TRHDE: variants seen among roughly 807,000 people sequenced by gnomAD.
TRHDE encodes thyrotropin-releasing hormone-degrading ectoenzyme.
TRHDE carries 72 observed loss-of-function variants against 125.7 expected under a neutral mutation model. That is an observed-to-expected ratio of 0.57 (90% CI 0.47 to 0.70). TRHDE has a LOEUF of 0.70. TRHDE is among the 30% of genes least tolerant of loss of function. The pLI, the probability that TRHDE is intolerant of heterozygous loss-of-function variation, is 0.00. For missense variants in TRHDE, 1,110 were observed against 1,327.1 expected, an observed-to-expected ratio of 0.84 and a Z score of 2.54; for synonymous variants, 509 against 509.1, an observed-to-expected ratio of 1.00 and a Z score of 0.00.
At chr12:72,573,606 C>T (rs1053186589) in intron 10 of TRHDE, among the ~76,000 whole-genome samples, 4 of 151,898 alleles carry the variant, frequency 2.6e-5, no homozygotes, top group South Asian at 2.1e-4. Flanking sequence ...TAAACACTTA[C>T]GTATAGGAAA....
At chr12:72,658,670 CTTTA>C (rs1338463932) in intron 18 of TRHDE, among the ~76,000 whole-genome samples, 1 of 152,126 alleles carries the variant, frequency 6.6e-6, no homozygotes, top group African/African-American at 2.4e-5. Flanking sequence ...AATTTTTACA[CTTTA>C]TTTAATTGCC....
At chr12:72,146,815 C>A (rs2139318031) in intron 2 of TRHDE, among the ~76,000 whole-genome samples, 1 of 152,360 alleles carries the variant, frequency 6.6e-6, no homozygotes, top group East Asian at 1.9e-4. Flanking sequence ...GTTTCCTGAG[C>A]TGTTGCCCAG....
intron 5 of TRHDE, among the ~76,000 whole-genome samples, chr12:72,483,229 A>G (rs1024515223): frequency 4.0e-5 from 6 of 151,784 alleles, no homozygotes; most frequent in South Asian, 2.1e-4. Context: ...TATTTTACCA[A>G]TTTAGTTAGA....
chr12:72,394,087 A>C (rs1872703906), intron 3 of TRHDE, among the ~76,000 whole-genome samples: 2 of 152,180 alleles, frequency 1.3e-5, no homozygotes, highest in Admixed American at 1.3e-4. Context: ...TTGGACAATT[A>C]ATTCCATTGA....
intron 2 of TRHDE, among the ~76,000 whole-genome samples, chr12:72,166,330 CATATACACAT>C (rs572212597): frequency 1.4e-3 from 215 of 151,430 alleles, no homozygotes; most frequent in Non-Finnish European, 2.1e-3. Flanking sequence ...CACACACACA[CATATACACAT>C]ATATACACAT....
chr12:72,626,652 T>A (rs1821310), intron 15 of TRHDE, among the ~76,000 whole-genome samples: 29,287 of 151,932 alleles, frequency 0.19, 5,930 homozygotes, highest in African/African-American at 0.52. Context: ...TTGCTCTTAA[T>A]CAGTTGCTAT....
At chr12:72,319,584 TATC>T (rs1868979762) in intron 2 of TRHDE, among the ~76,000 whole-genome samples, 1 of 152,212 alleles carries the variant, frequency 6.6e-6, no homozygotes, top group African/African-American at 2.4e-5. Context: ...TATCTTTCTC[TATC>T]ATCTATCATC....
intron 3 of TRHDE, among the ~76,000 whole-genome samples, chr12:72,399,136 T>A (rs1310298246): frequency 6.6e-6 from 1 of 152,244 alleles, no homozygotes; most frequent in African/African-American, 2.4e-5. Context: ...CCTGATGATC[T>A]GAGATGAAAT....
At chr12:72,192,865 G>A (rs1281582739) in intron 2 of TRHDE, among the ~76,000 whole-genome samples, 1 of 151,934 alleles carries the variant, frequency 6.6e-6, no homozygotes, top group Non-Finnish European at 1.5e-5. Context: ...AATTTTTATT[G>A]GAGTAAGAAG....
intron 3 of TRHDE, among the ~76,000 whole-genome samples, chr12:72,398,625 T>A (rs1872907540): frequency 6.6e-6 from 1 of 152,214 alleles, no homozygotes; most frequent in Admixed American, 6.5e-5. Flanking sequence ...TGTTTCAAAT[T>A]ACTTCTGACT....
chr12:72,347,000 G>A (rs1017927616), intron 2 of TRHDE, among the ~76,000 whole-genome samples: 1 of 152,110 alleles, frequency 6.6e-6, no homozygotes, highest in Non-Finnish European at 1.5e-5. Context: ...TTCTCTGTGT[G>A]TATGTGTGTG....
In TRHDE at chr12:72,244,541, T is replaced by G. The variant is rs1592497820; in HGVS notation, n.280-133454T>G. ...AAAATTTTACTTTTTTGTTTGCTAA[T>G]TATACTAATTTTAAATATATTTATG... is the stretch of plus-strand genomic sequence containing the variant. On this transcript the variant is annotated intron_variant and non_coding_transcript_variant, in intron 2 of 4. Transcript: ENST00000548156. 2.8e-5 allele frequency among the ~76,000 whole-genome samples: 4 copies of G among 142,640 alleles called. 1 individual carries two copies. The highest frequency in any genetic ancestry group is 2.8e-4 in the Admixed American group (4 of 14,302). 93.6% of individuals were successfully genotyped at this position (142,640 alleles called of 152,430 possible).
chr12:72,297,666 A>C (rs1565688429), intron 2 of TRHDE, among the ~76,000 whole-genome samples: 1 of 152,210 alleles, frequency 6.6e-6, no homozygotes, highest in Non-Finnish European at 1.5e-5. Context: ...AGTTGTTTTC[A>C]TGGAAGTGGA....
chr12:72,479,477 G>T (rs910592237), intron 5 of TRHDE, among the ~76,000 whole-genome samples: 1 of 151,942 alleles, frequency 6.6e-6, no homozygotes, highest in Admixed American at 6.6e-5. Context: ...TAATTCATTA[G>T]TATTCGTGTA....
chr12:72,214,022 A>G (rs947784299), intron 2 of TRHDE, among the ~76,000 whole-genome samples: 1 of 152,182 alleles, frequency 6.6e-6, no homozygotes, highest in Non-Finnish European at 1.5e-5. Context: ...TTAGATATTT[A>G]TATTTTTAGG....
chr12:72,635,583 T>A (rs1873706226), intron 15 of TRHDE, among the ~76,000 whole-genome samples: 1 of 152,118 alleles, frequency 6.6e-6, no homozygotes, highest in Non-Finnish European at 1.5e-5. Flanking sequence ...TGCCCGTGCC[T>A]ATGTCCTGAA....
At chr12:72,379,010 T>C (rs1872024285) in intron 3 of TRHDE, among the ~76,000 whole-genome samples, 1 of 152,182 alleles carries the variant, frequency 6.6e-6, no homozygotes, top group African/African-American at 2.4e-5. Flanking sequence ...CTCTCTTCCC[T>C]CCTCTTCCCT....
intron 3 of TRHDE, among the ~76,000 whole-genome samples, chr12:72,412,626 A>G (rs1330119435): frequency 6.6e-6 from 1 of 152,158 alleles, no homozygotes; most frequent in Admixed American, 6.5e-5. Context: ...TCAAAGCAGA[A>G]CTGTTTATAA....
chr12:72,652,300 C>A, intron 15 of TRHDE, 22 bp from the exon 16 acceptor site: 4 of 1,391,622 alleles, frequency 2.9e-6, no homozygotes, highest in Non-Finnish European at 1.9e-6. Flanking sequence ...TAACAGAAAA[C>A]CACCATGGGT....
Sources: gnomAD v4.1 joint callset for allele counts (sites outside exome capture counted in the v4.1 genomes callset) on GRCh38, gnomAD v4.1.1 for gene constraint, MANE v1.5 for transcripts, NCBI Gene and HGNC (gene_info 2026-07-23, HGNC 2026-07-21) for gene names.